CRISPLD2: variants seen among roughly 807,000 people sequenced by gnomAD.
CRISPLD2 encodes cysteine-rich secretory protein LCCL domain-containing 2.
CRISPLD2 carries 47 observed loss-of-function variants against 71.1 expected under a neutral mutation model. The ratio of observed to expected loss-of-function variants is 0.66; its 90% CI spans 0.52 to 0.84. The LOEUF (loss-of-function observed/expected upper bound fraction) is 0.84. CRISPLD2 is among the 40% of genes least tolerant of loss of function. The probability of loss-of-function intolerance (pLI) is 0.00; values close to 1 mark genes in which losing one functional copy is unlikely to be tolerated. For synonymous variants in CRISPLD2, 317 were observed against 250.1 expected, an observed-to-expected ratio of 1.27 and a Z score of -2.52; for missense variants, 830 against 651.1, an observed-to-expected ratio of 1.27 and a Z score of -2.99.
chr16:84,873,061 A>C lies in CRISPLD2; in HGVS notation c.1051A>C (p.Thr351Pro), dbSNP rs1353177991. Reference protein sequence around the residue: ...LDDKGGLVDITRNGKVPFFVK... With the variant: ...LDDKGGLVDIPRNGKVPFFVK... ...TGACAAGGGAGGCCTGGTGGATATC[A>C]CCAGGAACGGGAAGGTCCCCTTCTT... Residue 351 changes from threonine to proline, a missense_variant, in exon 10 of 15, where the codon ACC becomes CCC. Physicochemically the swap from Thr to Pro is conservative, Grantham distance 38. Coordinates refer to ENST00000262424, the MANE Select transcript of CRISPLD2 (RefSeq NM_031476.4). 6.2e-7 allele frequency: 1 copy of C among 1,613,980 alleles called. No individual in the cohort carries two copies. Among genetic ancestry groups the C allele is most frequent in the South Asian group, 1.1e-5 (1 of 91,046 alleles).
At chr16:84,853,847 C>A (rs992300276) in intron 5 of CRISPLD2, among the ~76,000 whole-genome samples, 2 of 152,220 alleles carry the variant, frequency 1.3e-5, no homozygotes, top group African/African-American at 4.8e-5. Context: ...AAAGGGAGAC[C>A]GAGGCTGGGG....
chr16:84,821,311 C>T (rs1291221008), intron 1 of CRISPLD2, among the ~76,000 whole-genome samples: 2 of 152,168 alleles, frequency 1.3e-5, no homozygotes, highest in African/African-American at 4.8e-5. Context: ...TTGTATGCAC[C>T]TGATTTTCTG....
At chr16:84,825,379 A>G (rs1008675421) in intron 1 of CRISPLD2, among the ~76,000 whole-genome samples, 5 of 152,178 alleles carry the variant, frequency 3.3e-5, no homozygotes, top group African/African-American at 1.2e-4. Flanking sequence ...CTTGTGCAAC[A>G]TAGTGAGATG....
intron 14 of CRISPLD2, among the ~76,000 whole-genome samples, chr16:84,902,837 G>C (rs1024090019): frequency 7.2e-6 from 1 of 138,396 alleles, no homozygotes; most frequent in Non-Finnish European, 1.5e-5. Flanking sequence ...GCAGTGGCGT[G>C]ATCTCGCTCA....
intron 2 of CRISPLD2, chr16:84,839,010 C>G (rs1397160367): frequency 5.3e-6 from 3 of 565,334 alleles, no homozygotes; most frequent in South Asian, 5.0e-5. Flanking sequence ...TTCAGCCTCC[C>G]AAGTAGCTGG....
At chr16:84,831,018 G>C (rs914280876) in intron 1 of CRISPLD2, among the ~76,000 whole-genome samples, 2 of 152,156 alleles carry the variant, frequency 1.3e-5, no homozygotes, top group African/African-American at 4.8e-5. Context: ...GGTGGTGAAC[G>C]ATTTACCATC....
intron 14 of CRISPLD2, among the ~76,000 whole-genome samples, chr16:84,890,857 C>G (rs1407978019): frequency 6.6e-6 from 1 of 152,180 alleles, no homozygotes; most frequent in Non-Finnish European, 1.5e-5. Context: ...TGGGGCCTTT[C>G]CTGAGTGTCA....
At chr16:84,889,668 G>A (rs971299936) in intron 14 of CRISPLD2, among the ~76,000 whole-genome samples, 1 of 151,544 alleles carries the variant, frequency 6.6e-6, no homozygotes, top group Admixed American at 6.6e-5. Flanking sequence ...AGATAAGCCC[G>A]AAGATAAACA....
chr16:84,840,595 C>CACT (rs1916743224), intron 2 of CRISPLD2, among the ~76,000 whole-genome samples: 1 of 152,218 alleles, frequency 6.6e-6, no homozygotes, highest in Admixed American at 6.5e-5. Flanking sequence ...CAACCTCTGG[C>CACT]TCCTGGGTTC....
intron 14 of CRISPLD2, among the ~76,000 whole-genome samples, chr16:84,903,176 C>G (rs2071770531): frequency 6.6e-6 from 1 of 152,152 alleles, no homozygotes. Flanking sequence ...AAACAATGGC[C>G]TCCCGTCAAT....
intron 12 of CRISPLD2, among the ~76,000 whole-genome samples, chr16:84,878,179 G>T (rs919082115): frequency 2.0e-5 from 3 of 151,872 alleles, no homozygotes; most frequent in African/African-American, 7.3e-5. Context: ...AGCCGAGATC[G>T]CACCACTGCA....
At chr16:84,885,374 C>T (rs1336954583) in intron 13 of CRISPLD2, among the ~76,000 whole-genome samples, 1 of 152,236 alleles carries the variant, frequency 6.6e-6, no homozygotes, top group Non-Finnish European at 1.5e-5. Context: ...TAGCAGGGCA[C>T]AAAGCTCTTT....
At chr16:84,901,662 G>A (rs2143387135) in intron 14 of CRISPLD2, among the ~76,000 whole-genome samples, 1 of 150,746 alleles carries the variant, frequency 6.6e-6, no homozygotes, top group African/African-American at 2.4e-5. Context: ...ATTTTTGGTA[G>A]AGATGGGGTT....
intron 11 of CRISPLD2, among the ~76,000 whole-genome samples, chr16:84,875,512 A>G (rs1054160346): frequency 2.9e-5 from 4 of 139,910 alleles, no homozygotes; most frequent in Admixed American, 2.4e-4. Context: ...AGTGTGGCCT[A>G]GGGAAGCCAA....
At chr16:84,897,015 C>T (rs2071712208) in intron 14 of CRISPLD2, among the ~76,000 whole-genome samples, 1 of 152,152 alleles carries the variant, frequency 6.6e-6, no homozygotes, top group Admixed American at 6.5e-5. Context: ...CTCCTCAGGT[C>T]ACTTTCAAGG....
At chr16:84,847,248 G>T (rs1567685403) in intron 3 of CRISPLD2, among the ~76,000 whole-genome samples, 1 of 152,238 alleles carries the variant, frequency 6.6e-6, no homozygotes, top group Non-Finnish European at 1.5e-5. Context: ...CTGCATCCGT[G>T]GGTTTTCAGG....
intron 14 of CRISPLD2, among the ~76,000 whole-genome samples, chr16:84,900,376 G>C (rs1426795137): frequency 6.6e-6 from 1 of 152,052 alleles, no homozygotes; most frequent in African/African-American, 2.4e-5. Flanking sequence ...TCTTTGTTTG[G>C]AGCGGAGATC....
At chr16:84,868,447 C>T (rs1917602055) in intron 7 of CRISPLD2, among the ~76,000 whole-genome samples, 1 of 152,148 alleles carries the variant, frequency 6.6e-6, no homozygotes, top group South Asian at 2.1e-4. Flanking sequence ...AGGCTCGGAG[C>T]AGCATCCTCC....
chr16:84,876,052 T>C (rs549074376), intron 11 of CRISPLD2, among the ~76,000 whole-genome samples: 2 of 152,210 alleles, frequency 1.3e-5, no homozygotes, highest in African/African-American at 2.4e-5. Context: ...ATCCTGCCTA[T>C]TGCCTGCTTT....
Sources: allele counts gnomAD v4.1 joint callset (sites outside exome capture counted in the v4.1 genomes callset), GRCh38; gene constraint gnomAD v4.1.1; transcripts MANE v1.5; gene names NCBI Gene and HGNC (gene_info 2026-07-23, HGNC 2026-07-21).